ANO6: variants seen among roughly 807,000 people sequenced by gnomAD.
ANO6 encodes anoctamin-6.
A neutral mutation model predicts 117.5 loss-of-function variants in ANO6; 106 were observed. The observed-to-expected ratio is 0.90, with a 90% CI of 0.77 to 1.06. The LOEUF (loss-of-function observed/expected upper bound fraction) is 1.06. ANO6 is among the 50% of genes least tolerant of loss of function. The probability of loss-of-function intolerance (pLI) is 0.00; values close to 1 mark genes in which losing one functional copy is unlikely to be tolerated. For synonymous variants in ANO6, 367 were observed against 385.1 expected, an observed-to-expected ratio of 0.95 and a Z score of 0.55; for missense variants, 955 against 1,121.1, an observed-to-expected ratio of 0.85 and a Z score of 2.12.
intron 2 of ANO6, among the ~76,000 whole-genome samples, chr12:45,309,129 G>A (rs1188892309): frequency 6.6e-6 from 1 of 151,974 alleles, no homozygotes; most frequent in African/African-American, 2.4e-5. Flanking sequence ...GGCTGGGGTG[G>A]GACTATGGCA....
chr12:45,331,795 C>T (rs537252315), intron 3 of ANO6, among the ~76,000 whole-genome samples: 1 of 152,206 alleles, frequency 6.6e-6, no homozygotes, highest in South Asian at 2.1e-4. Context: ...TGTGTGCTCA[C>T]TCAGGTATTG....
At chr12:45,234,190 TTCAC>T (rs570571610) in intron 1 of ANO6, among the ~76,000 whole-genome samples, 79 of 152,262 alleles carry the variant, frequency 5.2e-4, no homozygotes, top group African/African-American at 1.6e-3. Flanking sequence ...GTGAGGAAAA[TTCAC>T]TCCTATCTCA....
chr12:45,292,999 G>C lies in ANO6; in HGVS notation c.71-9015G>C. On this transcript the variant is annotated intron_variant, in intron 1 of 19. Coordinates refer to ENST00000320560, the MANE Select transcript of ANO6 (RefSeq NM_001025356.3). ...GAGCAGTGGGCAGAGTGCCGGGGAG[G>C]CTCCTTTTTTATAAATATTGTCCAA... 4.5e-6 allele frequency: 7 copies of C among 1,540,790 alleles called. No individual in the cohort carries two copies. The South Asian group carries it at 8.5e-5, about 19-fold the overall frequency.
chr12:45,293,729 G>GGTTT (rs1349910751), intron 1 of ANO6, among the ~76,000 whole-genome samples: 2 of 48,406 alleles, frequency 4.1e-5, no homozygotes, highest in Non-Finnish European at 3.6e-5. Context: ...CCTGGCTAAT[G>GGTTT]TTTTTTTTTT....
intron 3 of ANO6, among the ~76,000 whole-genome samples, chr12:45,343,141 G>A (rs949751004): frequency 2.0e-5 from 3 of 152,126 alleles, no homozygotes; most frequent in Non-Finnish European, 4.4e-5. Context: ...GGATAGCTAG[G>A]GGCCAGGAAG....
At position 45,432,115 on chromosome 12, in the gene ANO6, T is replaced by A; in HGVS notation, c.*2804T>A. On this transcript the variant is annotated 3_prime_UTR_variant, in exon 20 of 20. Coordinates refer to ENST00000320560, the MANE Select transcript of ANO6 (RefSeq NM_001025356.3). ...AATGTACTCTTGTTGAAACACTTCT[T>A]GTACCATTTTATGTTCATATTATGT... 1.0e-6 allele frequency: 1 copy of A among 985,468 alleles called. No homozygotes were observed. Among genetic ancestry groups the A allele is most frequent in the Non-Finnish European group, 1.2e-6 (1 of 829,938 alleles). The allele number at this position is 985,468 out of a possible 1,614,324, so 61.0% of individuals were successfully genotyped here. A position where few individuals can be genotyped will look rare whatever the true frequency, so the allele number is the denominator to read the frequency against.
At chr12:45,303,011 A>G (rs1040285361) in intron 2 of ANO6, among the ~76,000 whole-genome samples, 1 of 152,200 alleles carries the variant, frequency 6.6e-6, no homozygotes, top group Non-Finnish European at 1.5e-5. Context: ...AAACCTCATT[A>G]TGTGCTTTTT....
intron 15 of ANO6, among the ~76,000 whole-genome samples, chr12:45,408,433 G>GA (rs1942999624): frequency 6.6e-6 from 1 of 152,074 alleles, no homozygotes; most frequent in African/African-American, 2.4e-5. Flanking sequence ...AAAAAGGGGG[G>GA]AAGCACTTAG....
intron 1 of ANO6, among the ~76,000 whole-genome samples, chr12:45,286,948 C>T (rs1938936744): frequency 6.6e-6 from 1 of 152,138 alleles, no homozygotes; most frequent in Non-Finnish European, 1.5e-5. Flanking sequence ...CTCCAGCAGC[C>T]AGTCTTATAT....
At chr12:45,248,594 C>T (rs1028341824) in intron 1 of ANO6, among the ~76,000 whole-genome samples, 2 of 151,810 alleles carry the variant, frequency 1.3e-5, no homozygotes, top group Non-Finnish European at 2.9e-5. Context: ...CCACCAAGCC[C>T]AGTTAATTTT....
chr12:45,225,932 T>C (rs1386235877), intron 1 of ANO6, among the ~76,000 whole-genome samples: 1 of 152,216 alleles, frequency 6.6e-6, no homozygotes, highest in Non-Finnish European at 1.5e-5. Context: ...AACTGATTGG[T>C]AAATCATATG....
intron 7 of ANO6, among the ~76,000 whole-genome samples, chr12:45,354,859 A>T (rs1941370491): frequency 6.6e-6 from 1 of 152,342 alleles, no homozygotes; most frequent in South Asian, 2.1e-4. Flanking sequence ...ACTATAATGT[A>T]ACTATGTCAG....
intron 9 of ANO6, among the ~76,000 whole-genome samples, chr12:45,374,757 G>C (rs1235470769): frequency 6.6e-6 from 1 of 151,230 alleles, no homozygotes; most frequent in Middle Eastern, 3.4e-3. Context: ...ATACTGAATG[G>C]GCAAAAACTG....
At chr12:45,423,495 G>A (rs1002410642) in intron 19 of ANO6, among the ~76,000 whole-genome samples, 1 of 152,202 alleles carries the variant, frequency 6.6e-6, no homozygotes, top group Non-Finnish European at 1.5e-5. Context: ...TTCCTATGCA[G>A]AGTGAGTTAA....
At chr12:45,357,225 A>T in intron 7 of ANO6, 65 bp from the exon 8 acceptor site, 1 of 1,558,300 alleles carries the variant, frequency 6.4e-7, no homozygotes, top group East Asian at 2.2e-5. Flanking sequence ...TCAGAAATTA[A>T]TATTAGGATG....
In ANO6 at chr12:45,388,322, A is replaced by C. The variant is rs376666338; in HGVS notation, c.1308+19A>C. On this transcript the variant is annotated intron_variant, in intron 11 of 19. Coordinates refer to ENST00000320560, the MANE Select transcript of ANO6 (RefSeq NM_001025356.3). ...TACTCAGGTAAGCAGGGTCGTATTT[A>C]GGTGCAGTTTAATCTACTTACTGCT... 6 of 1,613,562 alleles carry C rather than the reference A, an allele frequency of 3.7e-6. No individual in the cohort carries two copies. Among genetic ancestry groups the C allele is most frequent in the Non-Finnish European group, 5.1e-6 (6 of 1,179,688 alleles).
intron 1 of ANO6, among the ~76,000 whole-genome samples, chr12:45,254,597 A>G (rs1937745075): frequency 6.6e-6 from 1 of 152,222 alleles, no homozygotes; most frequent in Non-Finnish European, 1.5e-5. Context: ...TCAGTTAAGT[A>G]CAGTTTAGTT....
chr12:45,243,691 A>T (rs1193087448), intron 1 of ANO6, among the ~76,000 whole-genome samples: 1 of 152,098 alleles, frequency 6.6e-6, no homozygotes, highest in East Asian at 1.9e-4. Flanking sequence ...CTGAGATTAC[A>T]GTCACCTGCC....
At chr12:45,373,973 TAA>T (rs749732847) in intron 9 of ANO6, among the ~76,000 whole-genome samples, 1 of 150,612 alleles carries the variant, frequency 6.6e-6, no homozygotes, top group Admixed American at 6.6e-5. Flanking sequence ...GCAAGACTAA[TAA>T]AGAGAGAAGA....
Sources: allele counts gnomAD v4.1 joint callset (sites outside exome capture counted in the v4.1 genomes callset), GRCh38; gene constraint gnomAD v4.1.1; transcripts MANE v1.5; gene names NCBI Gene and HGNC (gene_info 2026-07-23, HGNC 2026-07-21).